ZNF518A: variants seen among roughly 807,000 people sequenced by gnomAD.
The protein encoded by ZNF518A is zinc finger protein 518.
A neutral mutation model predicts 102.7 loss-of-function variants in ZNF518A; 47 were observed. The observed-to-expected ratio is 0.46, with a 90% confidence interval of 0.36 to 0.58. The LOEUF is 0.58. Ranked by LOEUF, ZNF518A falls within the 20% of genes least tolerant of loss-of-function variation. The pLI, the probability that ZNF518A is intolerant of heterozygous loss-of-function variation, is 0.00. For synonymous variants in ZNF518A, 652 were observed against 594.6 expected (o/e 1.10, Z -1.40); for missense variants, 1,793 against 1,699.8 (o/e 1.05, Z -0.96).
chr10:96,155,888 G>A (rs11188635), intron 4 of ZNF518A, 36 bp from the exon 5 acceptor site: 36,557 of 152,438 alleles, frequency 0.24, 5,655 homozygotes, highest in Middle Eastern at 0.36. Context: ...AAATCTTAGC[G>A]CTTGAGCGTA....
intron 3 of ZNF518A, among the ~76,000 whole-genome samples, chr10:96,136,188 C>T (rs2081588185): frequency 6.6e-6 from 1 of 151,738 alleles, no homozygotes; most frequent in African/African-American, 2.4e-5. Context: ...GTGTATATTT[C>T]TTTTCATATA....
In ZNF518A at chr10:96,200,972, C is replaced by T. The variant is rs1381617576; in HGVS notation, n.36-2602C>T. ...TAACAATTTAGTGACATCAAGAGTT[C>T]ATTTCATACCTGTTCTGAAATAGTG... On this transcript the variant is annotated intron_variant and non_coding_transcript_variant, in intron 1 of 2. Transcript: ENST00000442635. This position sits in a 1 kb window ranked among gnomAD's most constrained non-coding sequence, Gnocchi z 4.3. 1 of 1,611,752 alleles carries T rather than the reference C, an allele frequency of 6.2e-7. No individual in the cohort carries two copies. Among genetic ancestry groups the T allele is most frequent in the Non-Finnish European group, 8.5e-7 (1 of 1,177,964 alleles).
Position 96,157,280 on chromosome 10 carries a change from A to C in ZNF518A, c.958A>C (p.Ile320Leu). The change falls in exon 6 of 6, where the codon ATA becomes CTA. Residue 320 changes from isoleucine to leucine, a missense_variant. By Grantham distance (5) the Ile-to-Leu change is conservative. Coordinates refer to ENST00000316045, the MANE Select transcript of ZNF518A (RefSeq NM_001330736.2). The stretch of plus-strand genomic sequence containing the variant: ...TAAGCTAATACTGAAAAGATATAAA[A>C]TAGGTGCATCAAGGAAGACGTTCTG... ...GLKLILKRYK[I>L]GASRKTFWKR... 6.2e-7 allele frequency: 1 copy of C among 1,612,418 alleles called. No individual in the cohort carries two copies. The highest frequency in any genetic ancestry group is 2.2e-5 in the East Asian group (1 of 44,850).
At chr10:96,172,381 C>T (rs782585943) in intron 1 of ZNF518A, among the ~76,000 whole-genome samples, 42 of 151,968 alleles carry the variant, frequency 2.8e-4, no homozygotes, top group Non-Finnish European at 4.6e-4. Flanking sequence ...CTCAAATCCA[C>T]GGGAAGAAGT....
upstream of ZNF518A, chr10:96,129,901 G>A (rs781842798): frequency 5.9e-5 from 9 of 152,556 alleles, no homozygotes; most frequent in Non-Finnish European, 1.2e-4. Context: ...CGCGCTAGAT[G>A]GAGAGGTCAG....
At position 96,172,981 on chromosome 10, in the gene ZNF518A, A is replaced by G. The variant is rs1445117600; in HGVS notation, n.35+16934A>G. On this transcript the variant is annotated intron_variant and non_coding_transcript_variant, in intron 1 of 2. Transcript: ENST00000442635. ...ATGGATCAAAAATGTAGTTAGGCTT[A>G]TGATGATTGTGTCTGAGCATGTACA... Among the ~76,000 whole-genome samples the G allele has an allele frequency of 3.3e-5, 5 of 152,282 alleles. 1 individual carries two copies. The South Asian group carries it at 6.2e-4, about 19-fold the overall frequency.
downstream of ZNF518A, among the ~76,000 whole-genome samples, chr10:96,166,757 ACT>A (rs782155362): frequency 8.5e-5 from 13 of 152,176 alleles, no homozygotes; most frequent in Non-Finnish European, 1.5e-4. Context: ...ACAGAGCGAG[ACT>A]CTGTCTCAAA....
In ZNF518A at chr10:96,160,376, C is replaced by A; in HGVS notation, c.4054C>A (p.His1352Asn). The A allele has an allele frequency of 6.2e-7, 1 of 1,613,382 alleles. No homozygotes were observed. Among genetic ancestry groups the A allele is most frequent in the Non-Finnish European group, 8.5e-7 (1 of 1,179,576 alleles). ...AAACCAACCAGTTGTAGTTTTGAAT[C>A]ATCCTGACGCAGATGCACCAGAAGT... ...RRNQPVVVLN[H>N]PDADAPEVVS... The change falls in exon 6 of 6, where the codon CAT (histidine) becomes AAT (asparagine). Residue 1352 changes from histidine to asparagine, a missense_variant. Transcript: ENST00000316045.
At chr10:96,189,732 A>ATCT in intron 1 of ZNF518A, 1 of 721,376 alleles carries the variant, frequency 1.4e-6, no homozygotes, top group Non-Finnish European at 2.5e-6. Context: ...CATCATCATC[A>ATCT]TCTTCATCAG....
At chr10:96,204,984 C>T, downstream of ZNF518A, 1 of 324,732 alleles carries the variant, frequency 3.1e-6, no homozygotes. Context: ...TGCCATGTGG[C>T]CTCCACACAG....
chr10:96,194,891 C>T (rs2083423994), intron 1 of ZNF518A, among the ~76,000 whole-genome samples: 1 of 150,660 alleles, frequency 6.6e-6, no homozygotes, highest in Non-Finnish European at 1.5e-5. Flanking sequence ...CTGCCTCAGC[C>T]TCCTGTGTAG....
intron 3 of ZNF518A, among the ~76,000 whole-genome samples, chr10:96,154,175 A>G (rs868908948): frequency 2.0e-5 from 3 of 152,306 alleles, no homozygotes; most frequent in Middle Eastern, 6.8e-3. Context: ...TACAAAAAAT[A>G]CAGAACATTA....
At position 96,160,031 on chromosome 10, in the gene ZNF518A, A is replaced by G; in HGVS notation, c.3709A>G (p.Thr1237Ala). The change falls in exon 6 of 6, where the codon ACA becomes GCA. Residue 1237 changes from threonine (T) to alanine (A), a missense_variant. By Grantham distance (58) the Thr-to-Ala change is moderately conservative (BLOSUM62 0). This residue lies in a region of ZNF518A where 1,741 missense variants were observed against 1,622.6 expected (regional missense o/e 1.07). Coordinates refer to ENST00000316045, the MANE Select transcript of ZNF518A (RefSeq NM_001330736.2). ...AGAGTCCAGGGTATTAAGGTGTAAA[A>G]CAAATTGTAGAATTGAGAGGAACTT... is the stretch of plus-strand genomic sequence containing the variant. ...CSESRVLRCK[T>A]NCRIERNFNR... 1.2e-6 allele frequency: 2 copies of G among 1,611,610 alleles called. No individual in the cohort carries two copies. The highest frequency in any genetic ancestry group is 1.7e-6 in the Non-Finnish European group (2 of 1,179,180).
chr10:96,190,985 G>A (rs2083318885), intron 1 of ZNF518A, among the ~76,000 whole-genome samples: 1 of 152,086 alleles, frequency 6.6e-6, no homozygotes, highest in Non-Finnish European at 1.5e-5. Context: ...ATCTTGAATT[G>A]TAGCTCCCAT....
chr10:96,146,328 A>G (rs2082171586), intron 3 of ZNF518A, among the ~76,000 whole-genome samples: 1 of 152,226 alleles, frequency 6.6e-6, no homozygotes, highest in Non-Finnish European at 1.5e-5. Context: ...CAGAAGTTGT[A>G]TGCCTTTTCT....
chr10:96,191,929 G>T, intron 1 of ZNF518A: 1 of 1,611,498 alleles, frequency 6.2e-7, no homozygotes, highest in South Asian at 1.1e-5. Context: ...GAGAAACTTT[G>T]GGAAAGTGTC....
chr10:96,166,548 C>T (rs782392260), downstream of ZNF518A, among the ~76,000 whole-genome samples: 4 of 152,106 alleles, frequency 2.6e-5, no homozygotes, highest in Non-Finnish European at 5.9e-5. Flanking sequence ...ACGGGCGGAT[C>T]ACAAGGTCAG....
At chr10:96,170,142 T>C (rs1328374713) in intron 1 of ZNF518A, among the ~76,000 whole-genome samples, 2 of 152,222 alleles carry the variant, frequency 1.3e-5, no homozygotes, top group East Asian at 3.8e-4. Context: ...GAGTGTGACC[T>C]TCTAGATTCT....
At chr10:96,173,704 G>T (rs587661702) in intron 1 of ZNF518A, among the ~76,000 whole-genome samples, 13 of 152,058 alleles carry the variant, frequency 8.5e-5, no homozygotes, top group Non-Finnish European at 1.8e-4. Flanking sequence ...ACTCCACTTT[G>T]CATAAATGAA....
Sources: allele counts gnomAD v4.1 joint callset (sites outside exome capture counted in the v4.1 genomes callset), GRCh38; gene constraint gnomAD v4.1.1; regional missense constraint gnomAD v4.1.1; non-coding constraint Gnocchi (gnomAD v3.1); transcripts MANE v1.5; gene names NCBI Gene and HGNC (gene_info 2026-07-23, HGNC 2026-07-21).